Variants in FGFR2 observed in about 807,000 individuals in gnomAD.
The protein encoded by FGFR2 is fibroblast growth factor receptor 2.
Under a neutral mutation model 95.9 loss-of-function variants are expected in FGFR2, and 19 were observed. The ratio of observed to expected loss-of-function variants is 0.20; its 90% confidence interval spans 0.14 to 0.29. The LOEUF is 0.29. Ranked by LOEUF, FGFR2 falls within the 10% of genes least tolerant of loss-of-function variation. FGFR2 has a pLI of 1.00. For missense variants in FGFR2, 707 were observed against 1,056.9 expected, an observed-to-expected ratio of 0.67 and a Z score of 4.59; for synonymous variants, 392 against 393.3, an observed-to-expected ratio of 1.00 and a Z score of 0.04.
intron 5 of FGFR2, among the ~76,000 whole-genome samples, chr10:121,550,834 T>C (rs975423360): frequency 1.3e-5 from 2 of 152,100 alleles, no homozygotes; most frequent in Non-Finnish European, 2.9e-5. Context: ...TTTTTTAATA[T>C]CAAACCCTGA....
intron 13 of FGFR2, among the ~76,000 whole-genome samples, chr10:121,496,018 G>A (rs557380711): frequency 4.6e-5 from 7 of 152,290 alleles, no homozygotes; most frequent in African/African-American, 9.6e-5. Flanking sequence ...AGGGTCACCC[G>A]CCAAACGAGG....
chr10:121,505,271 TA>T (rs1848122848), intron 9 of FGFR2, among the ~76,000 whole-genome samples: 1 of 152,116 alleles, frequency 6.6e-6, no homozygotes, highest in South Asian at 2.1e-4. Context: ...AAGAATAGAT[TA>T]GGGGAAGAAA....
At chr10:121,568,780 C>T (rs7924210) in intron 2 of FGFR2, among the ~76,000 whole-genome samples, 312 of 152,144 alleles carry the variant, frequency 2.1e-3, no homozygotes, top group African/African-American at 7.4e-3. Context: ...ATCAGTAAAC[C>T]CCAAAATCTT....
chr10:121,504,008 G>A (rs1847949898), intron 9 of FGFR2, 67 bp from the exon 10 acceptor site: 1 of 1,585,522 alleles, frequency 6.3e-7, no homozygotes, highest in Admixed American at 1.7e-5. Context: ...AAGTCAGCCA[G>A]AGCCCAGCCA....
chr10:121,507,537 G>C (rs190511289), intron 9 of FGFR2, among the ~76,000 whole-genome samples: 1 of 152,256 alleles, frequency 6.6e-6, no homozygotes, highest in South Asian at 2.1e-4. Context: ...GCGGTGAGCC[G>C]AGATGGTGCC....
At position 121,479,648 on chromosome 10, in the gene FGFR2, G is replaced by A. The variant is rs1247430276; in HGVS notation, c.*209C>T. Reference sequence around the variant, plus strand: ...ACATGGTGGCTTGTGGCAGTCCACTGCTCCAGAAACCTTCTTCTCCTCCTG... The same window carrying A: ...ACATGGTGGCTTGTGGCAGTCCACTACTCCAGAAACCTTCTTCTCCTCCTG... On this transcript the variant is annotated 3_prime_UTR_variant, in exon 18 of 18. Transcript: ENST00000358487. 1.3e-6 allele frequency: 2 copies of A among 1,551,856 alleles called. No homozygotes were observed.
At position 121,495,824 on chromosome 10, in the gene FGFR2, C is replaced by A. The variant is rs192317449; in HGVS notation, c.1863+708G>T. On this transcript the variant is annotated intron_variant, in intron 13 of 17. Transcript: ENST00000358487. ...CCTCTGCACAGGAGGCAGCTCCGCCCCTCCGCTTCCCTATGTGTGGGGCTG... is the reference window on the plus strand; with the variant it reads ...CCTCTGCACAGGAGGCAGCTCCGCCACTCCGCTTCCCTATGTGTGGGGCTG... Among the ~76,000 whole-genome samples the A allele has an allele frequency of 1.6e-3, 247 of 152,348 alleles. 1 individual carries two copies. The highest frequency in any genetic ancestry group is 5.2e-3 in the African/African-American group (217 of 41,586).
rs181925587 is a variant in FGFR2, at chr10:121,493,849, A to T, written c.1863+2683T>A. Among the ~76,000 whole-genome samples, 10 of 152,170 alleles carry T rather than the reference A, an allele frequency of 6.6e-5. No homozygotes were observed. The East Asian group carries it at 1.9e-3, about 30-fold the overall frequency. On this transcript the variant is annotated intron_variant, in intron 13 of 17. Coordinates refer to ENST00000358487, the MANE Select transcript of FGFR2 (RefSeq NM_000141.5). ...CACCCAAATCTATGCCCCCTGCCCCAGCCCTGATTCCCAAGTCCTCCCAGA... is the reference window on the plus strand; with the variant it reads ...CACCCAAATCTATGCCCCCTGCCCCTGCCCTGATTCCCAAGTCCTCCCAGA...
chr10:121,555,035 A>T (rs1385062550), intron 4 of FGFR2, among the ~76,000 whole-genome samples: 1 of 152,206 alleles, frequency 6.6e-6, no homozygotes. Context: ...AGCCTTGTCC[A>T]TAGTAGATGC....
chr10:121,554,260 C>A (rs1220850881), intron 4 of FGFR2, among the ~76,000 whole-genome samples: 1 of 152,098 alleles, frequency 6.6e-6, no homozygotes, highest in East Asian at 1.9e-4. Flanking sequence ...AACATCACAC[C>A]AGCACACAGC....
chr10:121,579,797 C>T lies in FGFR2; in HGVS notation c.109+13912G>A, dbSNP rs45631550. 4.8e-3 allele frequency among the ~76,000 whole-genome samples: 731 copies of T among 152,246 alleles called. 7 individuals carry two copies. The highest frequency in any genetic ancestry group is 5.4e-3 in the Non-Finnish European group (366 of 68,018). ...CAAGAGTCCCCACAGCTGTGCCTCA[C>T]GCAGTCCACAGAGCTAAGGGCCTGC... On this transcript the variant is annotated intron_variant, in intron 2 of 17. Transcript: ENST00000358487.
intron 1 of FGFR2, among the ~76,000 whole-genome samples, chr10:121,594,614 A>G (rs1279512117): frequency 3.3e-5 from 5 of 152,206 alleles, no homozygotes; most frequent in African/African-American, 7.2e-5. Context: ...TCTTCCGCCA[A>G]GCAGCCACTT....
chr10:121,488,476 G>A (rs1310640947), intron 13 of FGFR2, among the ~76,000 whole-genome samples: 2 of 148,534 alleles, frequency 1.3e-5, no homozygotes, highest in African/African-American at 5.0e-5. Flanking sequence ...GGGAGACAGA[G>A]GTTGCAGTGA....
chr10:121,503,014 A>G (rs1847798657), intron 10 of FGFR2, among the ~76,000 whole-genome samples: 1 of 152,228 alleles, frequency 6.6e-6, no homozygotes, highest in African/African-American at 2.4e-5. Context: ...AAACTCGCAC[A>G]AGCCAAGAAC....
At chr10:121,480,225 C>A (rs1844500220) in intron 17 of FGFR2, 1 of 701,628 alleles carries the variant, frequency 1.4e-6, no homozygotes, top group African/African-American at 1.7e-5. Context: ...ACCCAGCCCA[C>A]CTGACTTCCA....
At chr10:121,512,547 TTTTTG>T (rs533841101) in intron 9 of FGFR2, among the ~76,000 whole-genome samples, 42 of 151,864 alleles carry the variant, frequency 2.8e-4, no homozygotes, top group African/African-American at 6.3e-4. Context: ...CCACTTTGGG[TTTTTG>T]TTTTGTTTTG....
In FGFR2 at chr10:121,485,362, T is replaced by G. The variant is rs1845275706; in HGVS notation, c.2195+33A>C. Reference sequence around the variant, plus strand: ...GGTATTACTGGTGTGGCAAGTCCACTGGGGCACCGGCAGGAAAGACAACAG... The same window carrying G: ...GGTATTACTGGTGTGGCAAGTCCACGGGGGCACCGGCAGGAAAGACAACAG... On this transcript the variant is annotated intron_variant, in intron 16 of 17. Coordinates refer to ENST00000358487, the MANE Select transcript of FGFR2 (RefSeq NM_000141.5). This position sits in a 1 kb window ranked among gnomAD's most constrained non-coding sequence, Gnocchi z 4.2. 2 of 1,613,862 alleles carry G rather than the reference T, an allele frequency of 1.2e-6. No individual in the cohort carries two copies. The highest frequency in any genetic ancestry group is 1.7e-6 in the Non-Finnish European group (2 of 1,179,988).
chr10:121,499,524 C>T (rs1847312913), intron 11 of FGFR2, among the ~76,000 whole-genome samples: 1 of 152,230 alleles, frequency 6.6e-6, no homozygotes, highest in African/African-American at 2.4e-5. Flanking sequence ...AAAGGACACG[C>T]CACAATGGCT....
Position 121,483,886 on chromosome 10 carries a change from C to T in FGFR2, c.2196-83G>A, listed in dbSNP as rs71640257. ...TCAGTTTTAATAGGCAATATGGGGA[C>T]GTGGTGTAAATTAGGAAAATGCATC... On this transcript the variant is annotated intron_variant, in intron 16 of 17. Coordinates refer to ENST00000358487, the MANE Select transcript of FGFR2 (RefSeq NM_000141.5). The T allele has an allele frequency of 5.2e-5, 52 of 1,001,216 alleles. No individual in the cohort carries two copies. In the Admixed American group the frequency reaches 6.9e-4, roughly 13 times the overall value. 62.0% of individuals were successfully genotyped at this position (1,001,216 alleles called of 1,614,324 possible). A position where few individuals can be genotyped will look rare whatever the true frequency, so the allele number is the denominator to read the frequency against.
Sources: allele counts gnomAD v4.1 joint callset (sites outside exome capture counted in the v4.1 genomes callset), GRCh38; gene constraint gnomAD v4.1.1; non-coding constraint Gnocchi (gnomAD v3.1); transcripts MANE v1.5; gene names NCBI Gene and HGNC (gene_info 2026-07-23, HGNC 2026-07-21).